DISC1: variants seen among roughly 807,000 people sequenced by gnomAD.
DISC1 encodes the protein disrupted in schizophrenia 1 protein.
A neutral mutation model predicts 84.5 loss-of-function variants in DISC1; 57 were observed. That is an observed-to-expected ratio of 0.67 (90% CI 0.55 to 0.84). The LOEUF (loss-of-function observed/expected upper bound fraction) is 0.84, where lower values mean the gene tolerates loss of function less well. DISC1 is among the 40% of genes least tolerant of loss of function. The pLI is 0.00. For synonymous variants in DISC1, 411 were observed against 415.2 expected (o/e 0.99, Z 0.12); for missense variants, 1,000 against 1,057.8 (o/e 0.95, Z 0.76).
At chr1:231,872,272 C>T (rs1020621208) in intron 9 of DISC1, among the ~76,000 whole-genome samples, 1 of 151,900 alleles carries the variant, frequency 6.6e-6, no homozygotes, top group African/African-American at 2.4e-5. Flanking sequence ...TTTTTAATCT[C>T]CCATCTTAGT....
chr1:231,692,203 G>T (rs2125643093), intron 1 of DISC1, among the ~76,000 whole-genome samples: 1 of 152,280 alleles, frequency 6.6e-6, no homozygotes, highest in South Asian at 2.1e-4. Flanking sequence ...TAGGGTTATA[G>T]TGTTAAATGC....
At chr1:231,628,234 C>T (rs1464854696) in intron 1 of DISC1, among the ~76,000 whole-genome samples, 6 of 152,082 alleles carry the variant, frequency 3.9e-5, no homozygotes, top group Non-Finnish European at 8.8e-5. Context: ...CAAAAAGAAC[C>T]GTGGACAAGA....
intron 12 of DISC1, among the ~76,000 whole-genome samples, chr1:232,029,768 T>C (rs1430575179): frequency 2.6e-5 from 4 of 152,212 alleles, no homozygotes; most frequent in Admixed American, 1.3e-4. Context: ...ACACTCAGTT[T>C]TTGCATAAAC....
At chr1:231,994,515 A>G (rs973068512) in intron 10 of DISC1, among the ~76,000 whole-genome samples, 17 of 152,236 alleles carry the variant, frequency 1.1e-4, no homozygotes, top group African/African-American at 4.1e-4. Context: ...TATTATAGGA[A>G]TGTCAAAAGA....
At chr1:231,988,954 AC>A (rs1664829077) in intron 10 of DISC1, among the ~76,000 whole-genome samples, 1 of 152,168 alleles carries the variant, frequency 6.6e-6, no homozygotes, top group Non-Finnish European at 1.5e-5. Context: ...TGTCACATTG[AC>A]CAGGTCTTCA....
intron 9 of DISC1, among the ~76,000 whole-genome samples, chr1:231,900,001 A>C (rs1236004536): frequency 6.6e-6 from 1 of 152,184 alleles, no homozygotes; most frequent in Non-Finnish European, 1.5e-5. Flanking sequence ...TTGTTCCCAG[A>C]GTAAAAGCTT....
At chr1:232,035,314 A>G (rs1670414085) in intron 12 of DISC1, among the ~76,000 whole-genome samples, 3 of 152,168 alleles carry the variant, frequency 2.0e-5, no homozygotes. Context: ...GCATGGTGGC[A>G]CACACCTATA....
intron 9 of DISC1, among the ~76,000 whole-genome samples, chr1:231,861,452 G>GTTTTT (rs59522401): frequency 1.1e-5 from 1 of 88,964 alleles, no homozygotes; most frequent in African/African-American, 3.9e-5. Flanking sequence ...ATTTTGACAA[G>GTTTTT]TTTTTTTTTT....
chr1:231,957,335 C>G (rs773590549), intron 9 of DISC1, among the ~76,000 whole-genome samples: 16 of 152,200 alleles, frequency 1.1e-4, no homozygotes, highest in Admixed American at 3.3e-4. Context: ...GTGATGCCTT[C>G]CCTGACCACT....
intron 9 of DISC1, among the ~76,000 whole-genome samples, chr1:231,829,080 T>A (rs1231972011): frequency 6.6e-6 from 1 of 152,218 alleles, no homozygotes; most frequent in Non-Finnish European, 1.5e-5. Context: ...CTTACTTAAC[T>A]ACCTCCTTAT....
intron 9 of DISC1, among the ~76,000 whole-genome samples, chr1:231,940,605 G>C (rs2091266952): frequency 6.6e-6 from 1 of 152,086 alleles, no homozygotes; most frequent in African/African-American, 2.4e-5. Flanking sequence ...AAATCCATGT[G>C]AGTCTATTTT....
intron 8 of DISC1, among the ~76,000 whole-genome samples, chr1:231,804,588 C>T (rs769992701): frequency 6.6e-6 from 1 of 151,852 alleles, no homozygotes; most frequent in African/African-American, 2.4e-5. Flanking sequence ...TCTGGAGTCA[C>T]GGGATTATAG....
chr1:232,008,685 G>A lies in DISC1; in HGVS notation c.2043-100G>A, dbSNP rs186899603. On this transcript the variant is annotated intron_variant, in intron 10 of 12. Transcript: ENST00000439617. ...TGTGAAATTAAGTCATCAAGTATAA[G>A]ATGACCAGCTGACTTTTAGCCAGGT... 2.8e-5 allele frequency: 39 copies of A among 1,374,006 alleles called. No individual in the cohort carries two copies. The East Asian group carries it at 9.0e-4, about 32-fold the overall frequency. The allele number at this position is 1,374,006 out of a possible 1,614,324, so 85.1% of individuals were successfully genotyped here.
chr1:231,946,340 A>G (rs980705212), intron 9 of DISC1, among the ~76,000 whole-genome samples: 6 of 152,194 alleles, frequency 3.9e-5, no homozygotes, highest in African/African-American at 1.4e-4. Context: ...CCATCACATA[A>G]TCAGAACCAA....
At chr1:231,709,303 AG>A (rs1176455807) in intron 3 of DISC1, among the ~76,000 whole-genome samples, 1 of 152,058 alleles carries the variant, frequency 6.6e-6, no homozygotes, top group Non-Finnish European at 1.5e-5. Context: ...CAGATGCGAA[AG>A]CTTATTGGCA....
chr1:231,739,798 C>T (rs910956813), intron 3 of DISC1, among the ~76,000 whole-genome samples: 1 of 152,248 alleles, frequency 6.6e-6, no homozygotes, highest in Non-Finnish European at 1.5e-5. Context: ...ACACTCTCCT[C>T]TCCCAGAGGA....
chr1:231,890,277 G>A (rs147089089), intron 9 of DISC1, among the ~76,000 whole-genome samples: 71 of 152,268 alleles, frequency 4.7e-4, no homozygotes, highest in African/African-American at 1.7e-3. Flanking sequence ...CACAGTGACT[G>A]CTGAAATATA....
chr1:231,852,417 C>T (rs868457263), intron 9 of DISC1, among the ~76,000 whole-genome samples: 1 of 152,210 alleles, frequency 6.6e-6, no homozygotes, highest in African/African-American at 2.4e-5. Flanking sequence ...GAGAACTACT[C>T]ACAGGGGTGA....
At chr1:231,690,305 C>G (rs73115142) in intron 1 of DISC1, among the ~76,000 whole-genome samples, 1,748 of 152,314 alleles carry the variant, frequency 0.011, 40 homozygotes, top group African/African-American at 0.04. Context: ...AGTCCTCGAG[C>G]AGCAGAGAAA....
Sources: allele counts gnomAD v4.1 joint callset (sites outside exome capture counted in the v4.1 genomes callset), GRCh38; gene constraint gnomAD v4.1.1; transcripts MANE v1.5; gene names NCBI Gene and HGNC (gene_info 2026-07-23, HGNC 2026-07-21).